Variants in PTPN14 observed in about 807,000 individuals in gnomAD.
The protein encoded by PTPN14 is tyrosine-protein phosphatase non-receptor type 14.
In PTPN14, 53 loss-of-function variants were observed where a neutral mutation model predicts 126.8. The ratio of observed to expected loss-of-function variants is 0.42; its 90% confidence interval spans 0.34 to 0.53. The LOEUF is 0.53. Ranked by LOEUF, PTPN14 falls within the 20% of genes least tolerant of loss-of-function variation. PTPN14 has a pLI of 0.08. For missense variants in PTPN14, 1,257 were observed against 1,552.9 expected (o/e 0.81, Z 3.20); for synonymous variants, 630 against 599.3 (o/e 1.05, Z -0.75).
chr1:214,418,546 C>G (rs562526169), intron 3 of PTPN14, among the ~76,000 whole-genome samples: 131 of 152,342 alleles, frequency 8.6e-4, no homozygotes, highest in African/African-American at 3.0e-3. Flanking sequence ...CCTGCCCATT[C>G]TGGGCAAACC....
chr1:214,467,438 T>C (rs1382098461), intron 1 of PTPN14, among the ~76,000 whole-genome samples: 1 of 152,232 alleles, frequency 6.6e-6, no homozygotes, highest in African/African-American at 2.4e-5. Context: ...GTGGCTGGCT[T>C]GGTACGCATT....
At chr1:214,385,831 T>C (rs1206054028) in intron 12 of PTPN14, among the ~76,000 whole-genome samples, 5 of 152,132 alleles carry the variant, frequency 3.3e-5, no homozygotes, top group African/African-American at 1.2e-4. Context: ...TGTGCCGCAA[T>C]TTATCCACCT....
intron 18 of PTPN14, among the ~76,000 whole-genome samples, chr1:214,360,400 G>A (rs1477913906): frequency 6.6e-6 from 1 of 152,116 alleles, no homozygotes; most frequent in Non-Finnish European, 1.5e-5. Flanking sequence ...AGAAAAAAAA[G>A]GCATGTGAAT....
intron 1 of PTPN14, among the ~76,000 whole-genome samples, chr1:214,525,924 A>G (rs559376211): frequency 2.0e-5 from 3 of 151,016 alleles, no homozygotes; most frequent in Non-Finnish European, 4.4e-5. Flanking sequence ...TTCATCTTAC[A>G]TGGCCTAAGG....
chr1:214,533,350 C>T, intron 1 of PTPN14: 1 of 491,454 alleles, frequency 2.0e-6, no homozygotes, highest in South Asian at 1.8e-5. Flanking sequence ...GGACTTCAAT[C>T]TTCAATCTTG....
At chr1:214,435,071 C>G (rs7519523) in intron 3 of PTPN14, among the ~76,000 whole-genome samples, 3 of 152,044 alleles carry the variant, frequency 2.0e-5, no homozygotes, top group Non-Finnish European at 4.4e-5. Context: ...CCGCAGGCTG[C>G]GGGTTGCACA....
At chr1:214,416,623 G>C (rs2102587521) in intron 3 of PTPN14, among the ~76,000 whole-genome samples, 1 of 152,218 alleles carries the variant, frequency 6.6e-6, no homozygotes, top group South Asian at 2.1e-4. Context: ...TAAAAATAAG[G>C]AGCTGAAGCA....
rs1658253642 is a variant in PTPN14, at chr1:214,372,950, C to T, written c.2908-111G>A. The T allele has an allele frequency of 4.9e-6, 7 of 1,437,146 alleles. No homozygotes were observed. In the Admixed American group the frequency reaches 6.4e-5, roughly 13 times the overall value. 89.0% of individuals were successfully genotyped at this position (1,437,146 alleles called of 1,614,324 possible). On this transcript the variant is annotated intron_variant, in intron 15 of 18. Coordinates refer to ENST00000366956, the MANE Select transcript of PTPN14 (RefSeq NM_005401.5). ...AAAACCTTGGATATATTTTTGGGGC[C>T]GAATGAATTAGTTCAATGAACAAAA...
At chr1:214,479,605 C>T (rs919327554) in intron 1 of PTPN14, among the ~76,000 whole-genome samples, 8 of 152,016 alleles carry the variant, frequency 5.3e-5, no homozygotes, top group African/African-American at 1.9e-4. Flanking sequence ...TCCCAAATTG[C>T]TGAGATTACA....
chr1:214,469,100 T>C (rs1278812501), intron 1 of PTPN14, among the ~76,000 whole-genome samples: 1 of 152,206 alleles, frequency 6.6e-6, no homozygotes, highest in Non-Finnish European at 1.5e-5. Flanking sequence ...AGGCATCTCT[T>C]ACCTTTAGGA....
At chr1:214,524,078 C>T (rs549700961) in intron 1 of PTPN14, among the ~76,000 whole-genome samples, 44 of 151,850 alleles carry the variant, frequency 2.9e-4, no homozygotes, top group African/African-American at 9.7e-4. Flanking sequence ...TCAAACTCCT[C>T]ACCTCGGGTG....
rs1226105256 is a variant in PTPN14, at chr1:214,487,354, G to A, written c.-154-22397C>T. Among the ~76,000 whole-genome samples the A allele has an allele frequency of 3.9e-5, 6 of 152,148 alleles. No individual in the cohort carries two copies. The East Asian group carries it at 5.8e-4, about 15-fold the overall frequency. On this transcript the variant is annotated intron_variant, in intron 1 of 18. Transcript: ENST00000366956. ...AAGACTATTACATCCAGCTGGGTGC[G>A]GTGGCTCATGCCTGTAATCCCAGCA...
chr1:214,459,227 A>G (rs1258768402), intron 2 of PTPN14, among the ~76,000 whole-genome samples: 1 of 146,286 alleles, frequency 6.8e-6, no homozygotes. Context: ...ATCTCGCCTC[A>G]CTGCAACCTC....
rs1386326873 is a variant in PTPN14, at chr1:214,355,171, C to A, written c.*2751G>T. On this transcript the variant is annotated 3_prime_UTR_variant, in exon 19 of 19. Transcript: ENST00000366956. The stretch of plus-strand genomic sequence containing the variant: ...TTGGCTAGAAAGTTGAATATTAAAC[C>A]TACTTCCTCCCTGCATTTTGTACAC... 1 of 152,156 alleles carries A rather than the reference C, an allele frequency of 6.6e-6. No individual in the cohort carries two copies. Among genetic ancestry groups the A allele is most frequent in the Non-Finnish European group, 1.5e-5 (1 of 68,028 alleles). The allele number at this position is 152,156 out of a possible 1,614,324, so 9.4% of individuals were successfully genotyped here.
chr1:214,426,441 T>C lies in PTPN14; in HGVS notation c.345-11715A>G, dbSNP rs546056608. On this transcript the variant is annotated intron_variant, in intron 3 of 18. Coordinates refer to ENST00000366956, the MANE Select transcript of PTPN14 (RefSeq NM_005401.5). ...AACATCCTTTCTTCTTTTAGAGTTT[T>C]AGTTTTCTAATTGCCTTAGTTTCTA... is the stretch of plus-strand genomic sequence containing the variant. Among the ~76,000 whole-genome samples, 3 of 152,330 alleles carry C rather than the reference T, an allele frequency of 2.0e-5. No homozygotes were observed. The South Asian group carries it at 6.2e-4, about 32-fold the overall frequency.
intron 6 of PTPN14, among the ~76,000 whole-genome samples, chr1:214,402,077 A>G (rs1356068178): frequency 1.3e-5 from 2 of 151,348 alleles, no homozygotes; most frequent in African/African-American, 4.9e-5. Context: ...AAAAGAAGTT[A>G]TTTTTCTCCC....
chr1:214,496,634 C>T (rs186892925), intron 1 of PTPN14, among the ~76,000 whole-genome samples: 217 of 152,280 alleles, frequency 1.4e-3, no homozygotes, highest in African/African-American at 5.2e-3. Context: ...ACACTCCTTA[C>T]CCCCTACCCA....
chr1:214,464,804 G>A lies in PTPN14; in HGVS notation c.-1C>T. Reference sequence around the variant, plus strand: ...GGCGGAGCTTCAGACCAAAAGGCATGGCTATGTGGTCCTCGGACGCCGCCC... The same window carrying A: ...GGCGGAGCTTCAGACCAAAAGGCATAGCTATGTGGTCCTCGGACGCCGCCC... On this transcript the variant is annotated 5_prime_UTR_variant, in exon 2 of 19. Transcript: ENST00000366956. The A allele has an allele frequency of 6.2e-7, 1 of 1,613,326 alleles. No homozygotes were observed. The highest frequency in any genetic ancestry group is 1.1e-5 in the South Asian group (1 of 91,076).
chr1:214,490,984 A>C (rs1021120194), intron 1 of PTPN14, among the ~76,000 whole-genome samples: 2 of 117,786 alleles, frequency 1.7e-5, no homozygotes, highest in African/African-American at 6.4e-5. Flanking sequence ...GAAAGGAAGG[A>C]AGGAAGGGAA....
Sources: gnomAD v4.1 joint callset for allele counts (sites outside exome capture counted in the v4.1 genomes callset) on GRCh38, gnomAD v4.1.1 for gene constraint, MANE v1.5 for transcripts, NCBI Gene and HGNC (gene_info 2026-07-23, HGNC 2026-07-21) for gene names.